Variants in GALNT13 observed in about 807,000 individuals in gnomAD.
GALNT13 encodes polypeptide N-acetylgalactosaminyltransferase 13.
A neutral mutation model predicts 64.2 loss-of-function variants in GALNT13; 28 were observed. The ratio of observed to expected loss-of-function variants is 0.44; its 90% confidence interval spans 0.32 to 0.60. The LOEUF is 0.60. Among genes scored for constraint, GALNT13 ranks in the 20% least tolerant of loss-of-function variants. The probability of loss-of-function intolerance (pLI) is 0.05; values close to 1 mark genes in which losing one functional copy is unlikely to be tolerated. For synonymous variants in GALNT13, 214 were observed against 224.6 expected, an observed-to-expected ratio of 0.95 and a Z score of 0.42; for missense variants, 577 against 669.8, an observed-to-expected ratio of 0.86 and a Z score of 1.53.
At chr2:153,378,786 G>A in the GALNT13 span, among the ~76,000 whole-genome samples, 2 of 152,064 alleles carry the variant, frequency 1.3e-5, no homozygotes, top group South Asian at 2.1e-4. Context: ...CTCATCCCAG[G>A]CCTCTGGTTT....
At chr2:154,066,579 A>G (rs935373848) in intron 3 of GALNT13, among the ~76,000 whole-genome samples, 16 of 152,126 alleles carry the variant, frequency 1.1e-4, no homozygotes, top group African/African-American at 3.9e-4. Flanking sequence ...GAAATGACAT[A>G]TTTAAAGTGC....
At chr2:154,347,553 T>G (rs1051781763) in intron 9 of GALNT13, among the ~76,000 whole-genome samples, 1 of 152,196 alleles carries the variant, frequency 6.6e-6, no homozygotes, top group African/African-American at 2.4e-5. Context: ...ATGTTGTTTT[T>G]TCTCAACTGT....
the GALNT13 span, among the ~76,000 whole-genome samples, chr2:153,516,266 C>T: frequency 6.6e-6 from 1 of 152,000 alleles, no homozygotes; most frequent in South Asian, 2.1e-4. Context: ...ATTCTCAGTG[C>T]CTGATAGTGC....
the GALNT13 span, among the ~76,000 whole-genome samples, chr2:153,105,323 A>G: frequency 6.6e-6 from 1 of 152,046 alleles, no homozygotes; most frequent in African/African-American, 2.4e-5. Context: ...AATTCAACAA[A>G]GCTTCATACT....
chr2:153,439,229 A>C, the GALNT13 span, among the ~76,000 whole-genome samples: 1 of 151,976 alleles, frequency 6.6e-6, no homozygotes. Flanking sequence ...AGCCGCCCCT[A>C]CTTGGGGGTG....
chr2:154,047,790 G>T (rs1355423210), intron 3 of GALNT13, among the ~76,000 whole-genome samples: 1 of 152,082 alleles, frequency 6.6e-6, no homozygotes, highest in Non-Finnish European at 1.5e-5. Context: ...GACATTTGGG[G>T]CTGGATAATT....
chr2:154,443,717 G>A (rs1197591448), intron 12 of GALNT13, among the ~76,000 whole-genome samples: 3 of 151,904 alleles, frequency 2.0e-5, no homozygotes, highest in African/African-American at 7.2e-5. Context: ...CTTTAAGTAG[G>A]AATTATATAT....
the GALNT13 span, among the ~76,000 whole-genome samples, chr2:153,560,147 CT>C: frequency 6.6e-6 from 1 of 151,972 alleles, no homozygotes; most frequent in African/African-American, 2.4e-5. Flanking sequence ...CCATAAAGTA[CT>C]GTCCCTTTAG....
chr2:153,575,473 G>T, the GALNT13 span, among the ~76,000 whole-genome samples: 34 of 152,298 alleles, frequency 2.2e-4, no homozygotes, highest in South Asian at 6.6e-3. Context: ...GTACCCCAAG[G>T]TCCCATGTGG....
chr2:154,006,443 A>G (rs1466133572), intron 3 of GALNT13, among the ~76,000 whole-genome samples: 2 of 152,158 alleles, frequency 1.3e-5, no homozygotes, highest in Non-Finnish European at 2.9e-5. Context: ...CTTGCTTTCA[A>G]TTTGTACCAG....
At chr2:153,554,837 T>G in the GALNT13 span, among the ~76,000 whole-genome samples, 1 of 152,194 alleles carries the variant, frequency 6.6e-6, no homozygotes, top group Non-Finnish European at 1.5e-5. Flanking sequence ...ATACGCCCTT[T>G]GCTTTCTTTT....
the GALNT13 span, among the ~76,000 whole-genome samples, chr2:153,299,548 G>A: frequency 6.6e-6 from 1 of 152,202 alleles, no homozygotes; most frequent in African/African-American, 2.4e-5. Context: ...CTTTTTCGAA[G>A]ATGCAGCAGA....
At chr2:154,165,186 A>G (rs538961859) in intron 4 of GALNT13, among the ~76,000 whole-genome samples, 51 of 152,270 alleles carry the variant, frequency 3.3e-4, no homozygotes, top group Non-Finnish European at 6.2e-4. Context: ...ATTTCTCTAA[A>G]GAATAGAATA....
the GALNT13 span, among the ~76,000 whole-genome samples, chr2:153,819,608 T>C: frequency 6.6e-6 from 1 of 152,252 alleles, no homozygotes; most frequent in Non-Finnish European, 1.5e-5. Context: ...GTCCAGCCCT[T>C]CACCTGAAAC....
At chr2:153,777,443 G>T in the GALNT13 span, among the ~76,000 whole-genome samples, 78 of 152,278 alleles carry the variant, frequency 5.1e-4, no homozygotes, top group East Asian at 3.9e-4. Flanking sequence ...TCACCAATGC[G>T]ATAGTTTAAG....
chr2:153,552,046 A>G, the GALNT13 span, among the ~76,000 whole-genome samples: 5 of 152,254 alleles, frequency 3.3e-5, no homozygotes, highest in East Asian at 9.7e-4. Context: ...GGCCAAACAA[A>G]TTGTTTCAAG....
At chr2:153,441,097 T>G in the GALNT13 span, among the ~76,000 whole-genome samples, 1 of 152,236 alleles carries the variant, frequency 6.6e-6, no homozygotes. Context: ...CATTGAAGTC[T>G]TTAATCTATC....
At chr2:153,676,291 A>T in the GALNT13 span, among the ~76,000 whole-genome samples, 1 of 152,168 alleles carries the variant, frequency 6.6e-6, no homozygotes, top group Non-Finnish European at 1.5e-5. Context: ...CTGGAAATAT[A>T]CAACCTCCCA....
At chr2:153,815,175 T>G in the GALNT13 span, among the ~76,000 whole-genome samples, 171 of 152,330 alleles carry the variant, frequency 1.1e-3, 5 homozygotes, top group South Asian at 0.035. Context: ...TTGGCTGATA[T>G]ATATCTTAAA....
Sources: gnomAD v4.1 joint callset for allele counts (sites outside exome capture counted in the v4.1 genomes callset) on GRCh38, gnomAD v4.1.1 for gene constraint, MANE v1.5 for transcripts, NCBI Gene and HGNC (gene_info 2026-07-23, HGNC 2026-07-21) for gene names.